The following TNXB variants were observed in gnomAD, a reference collection of about 807,000 sequenced individuals.
TNXB encodes the protein tenascin-X.
Under a neutral mutation model 340.5 loss-of-function variants are expected in TNXB, and 183 were observed. The observed-to-expected ratio is 0.54, with a 90% CI of 0.48 to 0.61. The LOEUF is 0.61. Among genes scored for constraint, TNXB ranks in the 20% least tolerant of loss-of-function variants. The probability of loss-of-function intolerance (pLI) is 0.00; values close to 1 mark genes in which losing one functional copy is unlikely to be tolerated. For missense variants in TNXB, 4,613 were observed against 5,446.4 expected (o/e 0.85, Z 4.82); for synonymous variants, 2,121 against 2,314.5 (o/e 0.92, Z 2.40).
chr6:32,057,349 T>G (rs1409809451), intron 22 of TNXB, among the ~76,000 whole-genome samples: 1 of 152,132 alleles, frequency 6.6e-6, no homozygotes, highest in Non-Finnish European at 1.5e-5. Context: ...TCAGAGCATC[T>G]TTACCCTGAA....
rs897308832 is a variant in TNXB, at chr6:32,090,705, G to C, written c.2359-1326C>G. On this transcript the variant is annotated intron_variant, in intron 4 of 43. Transcript: ENST00000644971. This position sits in a 1 kb window ranked among gnomAD's most constrained non-coding sequence, Gnocchi z 4.3. ...CTTTGTCAGTTTTCTGGGTTGAAAA[G>C]TTTTCCTGGGCACATAGGACCTCCA... Among the ~76,000 whole-genome samples the C allele has an allele frequency of 6.6e-6, 1 of 152,154 alleles. No homozygotes were observed. Among genetic ancestry groups the C allele is most frequent in the African/African-American group, 2.4e-5 (1 of 41,436 alleles).
At chr6:32,098,261 T>G in intron 1 of TNXB, 55 bp from the exon 2 acceptor site, 1 of 1,336,150 alleles carries the variant, frequency 7.5e-7, no homozygotes, top group South Asian at 2.0e-5. Context: ...ACAAAATGAA[T>G]CCCCCCTTCT....
In TNXB at chr6:32,049,869, C is replaced by A. The variant is rs930583418; in HGVS notation, c.9439+129G>T. ...CCACATAGGAAGGCCCAAGGGGAGT[C>A]CCAGCCCCAGCCACAAGCAGTTCTG... On this transcript the variant is annotated intron_variant, in intron 27 of 43. Coordinates refer to ENST00000644971, the MANE Select transcript of TNXB (RefSeq NM_001365276.2). The surrounding 1 kb of genome is among the most constrained non-coding windows in gnomAD (Gnocchi z 4.5). 6.3e-4 allele frequency: 916 copies of A among 1,448,346 alleles called. 12 individuals are homozygous for A. The highest frequency in any genetic ancestry group is 1.4e-4 in the Non-Finnish European group (149 of 1,063,076). The allele number at this position is 1,448,346 out of a possible 1,614,324, so 89.7% of individuals were successfully genotyped here. A position where few individuals can be genotyped will look rare whatever the true frequency, so the allele number is the denominator to read the frequency against.
chr6:32,104,255 T>C (rs1780868389), intron 1 of TNXB, among the ~76,000 whole-genome samples: 1 of 152,190 alleles, frequency 6.6e-6, no homozygotes, highest in Admixed American at 6.5e-5. Flanking sequence ...ACTTATAACT[T>C]CAATTTCCAA....
intron 1 of TNXB, among the ~76,000 whole-genome samples, chr6:32,102,313 C>T (rs1780758858): frequency 6.6e-6 from 1 of 152,146 alleles, no homozygotes. Context: ...CTGCATAGTT[C>T]TTCCAAAAGA....
Position 32,083,062 on chromosome 6 carries a change from C to CCTTCCTGGTTCTGCCCCTCCCTG in TNXB, c.3446-737_3446-736insCAGGGAGGGGCAGAACCAGGAAG. Among the ~76,000 whole-genome samples, 1 of 152,314 alleles carries CCTTCCTGGTTCTGCCCCTCCCTG rather than the reference C, an allele frequency of 6.6e-6. No homozygotes were observed. Among genetic ancestry groups the CCTTCCTGGTTCTGCCCCTCCCTG allele is most frequent in the East Asian group, 1.9e-4 (1 of 5,188 alleles). Reference sequence around the variant, plus strand: ...ACCCTCCCGATCCAGCTCCACCCCTCCACCAGGCAGCAGCTCTCATGCAGG... The same window carrying CCTTCCTGGTTCTGCCCCTCCCTG: ...ACCCTCCCGATCCAGCTCCACCCCTCCTTCCTGGTTCTGCCCCTCCCTGCACCAGGCAGCAGCTCTCATGCAGG... On this transcript the variant is annotated intron_variant, in intron 8 of 43. Coordinates refer to ENST00000644971, the MANE Select transcript of TNXB (RefSeq NM_001365276.2). This position sits in a 1 kb window ranked among gnomAD's most constrained non-coding sequence, Gnocchi z 4.6.
intron 6 of TNXB, among the ~76,000 whole-genome samples, chr6:32,088,147 A>G (rs1004967965): frequency 7.2e-5 from 11 of 152,114 alleles, no homozygotes; most frequent in Admixed American, 3.3e-4. Flanking sequence ...GAAATCGGTC[A>G]GTGTCCCGCA....
At position 32,097,832 on chromosome 6, in the gene TNXB, CAG is replaced by C; in HGVS notation, c.365_366del (p.Thr122ArgfsTer28). 6.6e-7 allele frequency: 1 copy of C among 1,521,946 alleles called. No individual in the cohort carries two copies. Among genetic ancestry groups the C allele is most frequent in the East Asian group, 2.3e-5 (1 of 43,826 alleles). The allele number at this position is 1,521,946 out of a possible 1,614,324, so 94.3% of individuals were successfully genotyped here. A position where few individuals can be genotyped will look rare whatever the true frequency, so the allele number is the denominator to read the frequency against. Reference sequence around the variant, plus strand: ...TGGGCAGAGGCAGGACAACATCCCCCAGTGCACTGTTCCTTGAGCCCCTTCAC... The same window carrying C: ...TGGGCAGAGGCAGGACAACATCCCCCTGCACTGTTCCTTGAGCCCCTTCAC... ...ELVKGLKEQC[T>X]GGCCPASAQA... On this transcript the variant is annotated frameshift_variant, in exon 2 of 44. Coordinates refer to ENST00000644971, the MANE Select transcript of TNXB (RefSeq NM_001365276.2). LOFTEE classifies it high-confidence loss of function. The surrounding 1 kb of genome is among the most constrained non-coding windows in gnomAD (Gnocchi z 5.9).
In TNXB at chr6:32,097,817, C is replaced by A; in HGVS notation, c.382G>T (p.Ala128Ser). Reference protein sequence around the residue: ...KEQCTGGCCPASAQAGTGQTD... With the variant: ...KEQCTGGCCPSSAQAGTGQTD... ...TCACCTGTGCCAGCTTGGGCAGAGGCAGGACAACATCCCCCAGTGCACTGT... is the reference window on the plus strand; with the variant it reads ...TCACCTGTGCCAGCTTGGGCAGAGGAAGGACAACATCCCCCAGTGCACTGT... The change falls in exon 2 of 44, where the codon GCC becomes TCC. Residue 128 changes from alanine to serine, a missense_variant. Physicochemically the swap from Ala to Ser is moderately conservative, Grantham distance 99 (BLOSUM62 1). This residue lies in a region of TNXB where 4,327 missense variants were observed against 4,859.4 expected (regional missense o/e 0.89). Transcript: ENST00000644971. The surrounding 1 kb of genome is among the most constrained non-coding windows in gnomAD (Gnocchi z 5.9). 1 of 1,506,774 alleles carries A rather than the reference C, an allele frequency of 6.6e-7. No homozygotes were observed. The highest frequency in any genetic ancestry group is 8.9e-7 in the Non-Finnish European group (1 of 1,125,898). 93.3% of individuals were successfully genotyped at this position (1,506,774 alleles called of 1,614,324 possible).
Position 32,089,424 on chromosome 6 carries a change from C to T in TNXB, c.2359-45G>A. The T allele has an allele frequency of 6.4e-7, 1 of 1,567,342 alleles. No homozygotes were observed. Among genetic ancestry groups the T allele is most frequent in the Non-Finnish European group, 8.6e-7 (1 of 1,158,132 alleles). On this transcript the variant is annotated intron_variant, in intron 4 of 43. Coordinates refer to ENST00000644971, the MANE Select transcript of TNXB (RefSeq NM_001365276.2). The surrounding 1 kb of genome is among the most constrained non-coding windows in gnomAD (Gnocchi z 6.2). ...GTGGCTCAGGGGCTGGCACTCTTGC[C>T]TCTGCTGCTCAATCCCCCTTATCTC...
chr6:32,061,752 GGTCCCTGGGGGATGTGCTTAC>G lies in TNXB; in HGVS notation c.7169-53_7169-33del. ...AAAAGGGACACAGAGAGGATGGCAG[GGTCCCTGGGGGATGTGCTTAC>G]GTCGTGGGGAAAAGGAGGGAGAAGG... On this transcript the variant is annotated intron_variant, in intron 20 of 43. Transcript: ENST00000644971. This position sits in a 1 kb window ranked among gnomAD's most constrained non-coding sequence, Gnocchi z 4.4. 1 of 1,600,074 alleles carries G rather than the reference GGTCCCTGGGGGATGTGCTTAC, an allele frequency of 6.2e-7. No homozygotes were observed.
In TNXB at chr6:32,087,496, A is replaced by T; in HGVS notation, c.2779+1289T>A. 2.0e-6 allele frequency: 1 copy of T among 489,096 alleles called. No individual in the cohort carries two copies. Among genetic ancestry groups the T allele is most frequent in the African/African-American group, 1.9e-5 (1 of 51,384 alleles). The allele number at this position is 489,096 out of a possible 1,614,324, so 30.3% of individuals were successfully genotyped here. On this transcript the variant is annotated intron_variant, in intron 6 of 43. Coordinates refer to ENST00000644971, the MANE Select transcript of TNXB (RefSeq NM_001365276.2). The surrounding 1 kb of genome is among the most constrained non-coding windows in gnomAD (Gnocchi z 9.0). ...AAGCGCGCCATCGGCGGAACTGCCC[A>T]GCACCTCTGGCTTGGGGTGGCGGGA...
chr6:32,093,435 C>T (rs968739765), intron 4 of TNXB: 1 of 701,220 alleles, frequency 1.4e-6, no homozygotes, highest in Admixed American at 2.0e-5. Flanking sequence ...TGAGGAGAGG[C>T]AGAACATAGT....
chr6:32,050,809 C>T (rs1448410649), intron 26 of TNXB, among the ~76,000 whole-genome samples: 2 of 152,148 alleles, frequency 1.3e-5, no homozygotes, highest in African/African-American at 2.4e-5. Flanking sequence ...CTCCAGTCCC[C>T]GATCCTAGTT....
rs1777048838 is a variant in TNXB, at chr6:32,048,513, C to T, written c.9895G>A (p.Ala3299Thr). 2.5e-6 allele frequency: 4 copies of T among 1,594,938 alleles called. No individual in the cohort carries two copies. The highest frequency in any genetic ancestry group is 1.7e-5 in the Admixed American group (1 of 59,162). ...GGCACTGCCTGGGGCTGCCCCTGCGCGTCCCTGTACTGTACCAGGAAGGAG... is the reference window on the plus strand; with the variant it reads ...GGCACTGCCTGGGGCTGCCCCTGCGTGTCCCTGTACTGTACCAGGAAGGAG... ...FDSFLVQYRD[A>T]QGQPQAVPVS... The change falls in exon 29 of 44, where the codon GCG (alanine) becomes ACG (threonine). Residue 3299 changes from alanine (A) to threonine (T), a missense_variant. By Grantham distance (58) the Ala-to-Thr change is moderately conservative. Coordinates refer to ENST00000644971, the MANE Select transcript of TNXB (RefSeq NM_001365276.2).
At chr6:32,071,579 T>TTC (rs1778775045) in intron 13 of TNXB, among the ~76,000 whole-genome samples, 2 of 30,016 alleles carry the variant, frequency 6.7e-5, no homozygotes, top group Admixed American at 4.8e-4. Flanking sequence ...CTTTTCTTTC[T>TTC]TTTTTTTTTT....
At position 32,056,189 on chromosome 6, in the gene TNXB, T is replaced by TA. The variant is rs1280816515; in HGVS notation, c.8144-16dup. 1 of 1,603,628 alleles carries TA rather than the reference T, an allele frequency of 6.2e-7. No individual in the cohort carries two copies. The highest frequency in any genetic ancestry group is 8.5e-7 in the Non-Finnish European group (1 of 1,173,708). ...TTCCTCTGCAGCTGAGAAAAGGAGATATAGAGAGGATGCCAGGTGCCTGGG... is the reference window on the plus strand; with the variant it reads ...TTCCTCTGCAGCTGAGAAAAGGAGATAATAGAGAGGATGCCAGGTGCCTGGG... On this transcript the variant is annotated splice_polypyrimidine_tract_variant and intron_variant, in intron 23 of 43. Transcript: ENST00000644971.
At position 32,065,099 on chromosome 6, in the gene TNXB, G is replaced by A. The variant is rs1324960394; in HGVS notation, c.6563C>T (p.Pro2188Leu). 6.3e-7 allele frequency: 1 copy of A among 1,582,776 alleles called. No individual in the cohort carries two copies. Reference sequence around the variant, plus strand: ...GCGCAGCTTTGCAAGAGGAGCATCAGGGGACTCCTCTTCGGGGGCTAGGAA... The same window carrying A: ...GCGCAGCTTTGCAAGAGGAGCATCAAGGGACTCCTCTTCGGGGGCTAGGAA... ...VGVTAPEEES[P>L]DAPLAKLRLG... is the part of the protein sequence containing the mutation. Residue 2188 changes from proline to leucine, a missense_variant, in exon 19 of 44, where the codon CCT becomes CTT. Pro to Leu is a moderately conservative substitution (Grantham distance 98, BLOSUM62 -3). Around this residue, in one of 7 missense-constraint regions of TNXB, gnomAD observed 4,327 missense variants for 4,859.4 expected, o/e 0.89. Coordinates refer to ENST00000644971, the MANE Select transcript of TNXB (RefSeq NM_001365276.2).
chr6:32,086,321 C>A (rs1779773689), intron 6 of TNXB, among the ~76,000 whole-genome samples: 1 of 152,184 alleles, frequency 6.6e-6, no homozygotes, highest in South Asian at 2.1e-4. Flanking sequence ...AGCAGACGGG[C>A]CTGTGCTTCA....
Sources: gnomAD v4.1 joint callset for allele counts (sites outside exome capture counted in the v4.1 genomes callset) on GRCh38, gnomAD v4.1.1 for gene constraint, gnomAD v4.1.1 regional missense constraint, Gnocchi (gnomAD v3.1) non-coding constraint, MANE v1.5 for transcripts, NCBI Gene and HGNC (gene_info 2026-07-23, HGNC 2026-07-21) for gene names.